Variants in SCN1A observed in about 807,000 individuals in gnomAD.
SCN1A encodes the protein sodium channel protein type 1 subunit alpha.
Under a neutral mutation model 193.7 loss-of-function variants are expected in SCN1A, and 13 were observed. That is an observed-to-expected ratio of 0.07 (90% CI 0.04 to 0.11). The LOEUF is 0.11. Among genes scored for constraint, SCN1A ranks in the 10% least tolerant of loss-of-function variants. The pLI, the probability that SCN1A is intolerant of heterozygous loss-of-function variation, is 1.00. For synonymous variants in SCN1A, 781 were observed against 843.6 expected (o/e 0.93, Z 1.29); for missense variants, 1,432 against 2,451.1 (o/e 0.58, Z 8.78).
intron 19 of SCN1A, among the ~76,000 whole-genome samples, chr2:166,026,961 T>C (rs1324593291): frequency 6.6e-6 from 1 of 152,330 alleles, no homozygotes; most frequent in East Asian, 1.9e-4. Context: ...TCTTAAAATC[T>C]ATTTTAATGT....
At position 166,043,715 on chromosome 2, in the gene SCN1A, T is replaced by C. The variant is rs1176852656; in HGVS notation, c.1997A>G (p.Gln666Arg). 2 of 1,614,012 alleles carry C rather than the reference T, an allele frequency of 1.2e-6. No individual in the cohort carries two copies. The highest frequency in any genetic ancestry group is 1.7e-6 in the Non-Finnish European group (2 of 1,180,022). ...ATCTATTATCACCTCTGGCAGAAGC[T>C]GTCCAACAGGCGATGTAGGAACTGA... ...GPSVPTSPVG[Q>R]LLPEVIIDKP... The change falls in exon 14 of 29, where the codon CAG (glutamine) becomes CGG (arginine). Residue 666 changes from glutamine to arginine, a missense_variant. Gln to Arg is a conservative substitution (Grantham distance 43). Around this residue, in one of 18 missense-constraint regions of SCN1A, gnomAD observed 316 missense variants for 362.1 expected, o/e 0.87. Transcript: ENST00000674923.
rs771836709 is a variant in SCN1A, at chr2:166,044,031, C to T, written c.1681G>A (p.Gly561Ser). 3 of 1,614,036 alleles carry T rather than the reference C, an allele frequency of 1.9e-6. No homozygotes were observed. The highest frequency in any genetic ancestry group is 1.7e-6 in the Non-Finnish European group (2 of 1,180,006). ...SPHQSLLSIRGSLFSPRRNSR... is the reference protein window; with the variant it reads ...SPHQSLLSIRSSLFSPRRNSR... ...TTTCGCCTTGGTGAAAATAGGGAGCCACGGATGCTCAACAAAGACTAGAAG... is the reference window on the plus strand; with the variant it reads ...TTTCGCCTTGGTGAAAATAGGGAGCTACGGATGCTCAACAAAGACTAGAAG... The change falls in exon 14 of 29, where the codon GGC becomes AGC. Residue 561 changes from glycine to serine, a missense_variant. Gly to Ser is a moderately conservative substitution (Grantham distance 56). Coordinates refer to ENST00000674923, the MANE Select transcript of SCN1A (RefSeq NM_001165963.4).
At chr2:166,017,795 G>A (rs1187082645) in intron 19 of SCN1A, among the ~76,000 whole-genome samples, 1 of 151,926 alleles carries the variant, frequency 6.6e-6, no homozygotes, top group Non-Finnish European at 1.5e-5. Flanking sequence ...AGGCATTCAG[G>A]TACAAAGAAT....
Position 165,986,001 on chromosome 2 carries a change from A to T in SCN1A, c.*5244T>A, listed in dbSNP as rs4667501. 2 of 152,088 alleles carry T rather than the reference A, an allele frequency of 1.3e-5. No homozygotes were observed. Among genetic ancestry groups the T allele is most frequent in the Non-Finnish European group, 2.9e-5 (2 of 67,998 alleles). 9.4% of individuals were successfully genotyped at this position (152,088 alleles called of 1,614,324 possible). A position where few individuals can be genotyped will look rare whatever the true frequency, so the allele number is the denominator to read the frequency against. ...TTATGCAGTAGAGTTGTCTGTCCCA[A>T]TGGTTACTAGACTTTTGGATTTCAT... On this transcript the variant is annotated 3_prime_UTR_variant, in exon 29 of 29. Transcript: ENST00000674923.
chr2:166,090,145 TACTC>T (rs1686640684), intron 2 of SCN1A, among the ~76,000 whole-genome samples: 2 of 145,106 alleles, frequency 1.4e-5, no homozygotes, highest in Admixed American at 1.4e-4. Flanking sequence ...CCCCGAGTGA[TACTC>T]ACACCTCAGG....
At chr2:166,122,934 C>A (rs541886661) in intron 2 of SCN1A, among the ~76,000 whole-genome samples, 2 of 152,080 alleles carry the variant, frequency 1.3e-5, no homozygotes, top group South Asian at 2.1e-4. Context: ...GAGAAACAGG[C>A]AATATGATAA....
In SCN1A at chr2:166,036,211, C is replaced by T. The variant is rs2105794575; in HGVS notation, c.3266G>A (p.Gly1089Asp). The change falls in exon 19 of 29, where the codon GGC becomes GAC. Residue 1089 changes from glycine (G) to aspartate (D), a missense_variant. Transcript: ENST00000674923. ...AATAATGTATTTTTCAACACTGCTG[C>T]CAGTTCCTATACCACTTGTAGTTCC... is the stretch of plus-strand genomic sequence containing the variant. Reference protein sequence around the residue: ...VNGTTSGIGTGSSVEKYIIDE... With the variant: ...VNGTTSGIGTDSSVEKYIIDE... The T allele has an allele frequency of 5.0e-6, 8 of 1,613,946 alleles. No homozygotes were observed. Among genetic ancestry groups the T allele is most frequent in the Non-Finnish European group, 6.8e-6 (8 of 1,179,908 alleles).
intron 2 of SCN1A, among the ~76,000 whole-genome samples, chr2:166,116,356 T>A (rs1377293293): frequency 6.6e-6 from 1 of 152,228 alleles, no homozygotes; most frequent in Non-Finnish European, 1.5e-5. Flanking sequence ...TCCTCTGATT[T>A]GCTTTGCAAC....
At chr2:166,053,053 A>G in intron 7 of SCN1A, 110 bp from the exon 8 acceptor site, 2 of 1,417,898 alleles carry the variant, frequency 1.4e-6, no homozygotes, top group Non-Finnish European at 2.0e-6. Context: ...AATTACCGAA[A>G]TAGTTTTCAA....
Position 166,089,135 on chromosome 2 carries a change from A to G in SCN1A, c.-141-11334T>C, listed in dbSNP as rs1559312092. ...CTGCACCCATCAACCTGTCATCTAC[A>G]TTGAGTATTTCTCCTATCCCTCCCC... On this transcript the variant is annotated intron_variant, in intron 2 of 28. Transcript: ENST00000674923. Among the ~76,000 whole-genome samples the G allele has an allele frequency of 3.9e-5, 6 of 152,016 alleles. No homozygotes were observed. In the South Asian group the frequency reaches 1.2e-3, roughly 31 times the overall value.
chr2:166,112,242 CCTT>C (rs1689371748), intron 2 of SCN1A, among the ~76,000 whole-genome samples: 1 of 152,176 alleles, frequency 6.6e-6, no homozygotes, highest in Admixed American at 6.6e-5. Flanking sequence ...GTCATCTCAA[CCTT>C]CAGCAACTAC....
In SCN1A at chr2:165,990,333, A is replaced by T. The variant is rs886055036; in HGVS notation, c.*912T>A. On this transcript the variant is annotated 3_prime_UTR_variant, in exon 29 of 29. Transcript: ENST00000674923. ...TGCTGAGAGCCGAAGATGGCTAAAC[A>T]AAGTGCAGGAAAAAGCAGAAATTTA... 2.0e-5 allele frequency: 3 copies of T among 152,598 alleles called. No homozygotes were observed. Among genetic ancestry groups the T allele is most frequent in the Non-Finnish European group, 2.9e-5 (2 of 68,016 alleles). The allele number at this position is 152,598 out of a possible 1,614,324, so 9.5% of individuals were successfully genotyped here.
intron 2 of SCN1A, among the ~76,000 whole-genome samples, chr2:166,114,895 A>G (rs1057289238): frequency 4.6e-5 from 7 of 152,226 alleles, no homozygotes; most frequent in African/African-American, 1.4e-4. Context: ...TAACATGTTA[A>G]AAGCAATATT....
intron 3 of SCN1A, among the ~76,000 whole-genome samples, chr2:166,077,307 A>T (rs982341471): frequency 6.6e-6 from 1 of 151,928 alleles, no homozygotes; most frequent in Non-Finnish European, 1.5e-5. Flanking sequence ...TTTGCAAAAG[A>T]CATGTCTGAT....
At chr2:166,091,315 A>T (rs1686779485) in intron 2 of SCN1A, among the ~76,000 whole-genome samples, 1 of 152,222 alleles carries the variant, frequency 6.6e-6, no homozygotes, top group South Asian at 2.1e-4. Flanking sequence ...ATACACGGAA[A>T]GGTGTTTACC....
chr2:166,008,657 A>G (rs1489314123), intron 23 of SCN1A, among the ~76,000 whole-genome samples: 1 of 151,104 alleles, frequency 6.6e-6, no homozygotes, highest in African/African-American at 2.4e-5. Flanking sequence ...GACAAGTCCT[A>G]CGTTCTTACA....
intron 2 of SCN1A, among the ~76,000 whole-genome samples, chr2:166,084,751 C>T (rs867389034): frequency 5.3e-5 from 8 of 152,012 alleles, no homozygotes; most frequent in Non-Finnish European, 7.4e-5. Context: ...GTATGGCAGA[C>T]GCACCTGACA....
chr2:166,087,634 A>C (rs1284104277), intron 2 of SCN1A, among the ~76,000 whole-genome samples: 2 of 152,126 alleles, frequency 1.3e-5, no homozygotes, highest in Non-Finnish European at 2.9e-5. Context: ...CAGTCTGAAG[A>C]ACCATAAGTC....
chr2:166,101,286 A>AATT (rs1688035954), intron 2 of SCN1A, among the ~76,000 whole-genome samples: 1 of 147,042 alleles, frequency 6.8e-6, no homozygotes, highest in African/African-American at 2.5e-5. Flanking sequence ...GCATATTCTC[A>AATT]CTCATAGGTG....
Sources: gnomAD v4.1 joint callset for allele counts (sites outside exome capture counted in the v4.1 genomes callset) on GRCh38, gnomAD v4.1.1 for gene constraint, gnomAD v4.1.1 regional missense constraint, MANE v1.5 for transcripts, NCBI Gene and HGNC (gene_info 2026-07-23, HGNC 2026-07-21) for gene names.